GMPR: variants seen among roughly 807,000 people sequenced by gnomAD.
GMPR encodes the protein GMP reductase 1.
Under a neutral mutation model 38.4 loss-of-function variants are expected in GMPR, and 31 were observed. That is an observed-to-expected ratio of 0.81 (90% CI 0.61 to 1.09). GMPR has a LOEUF of 1.09. Among genes scored for constraint, GMPR ranks in the 50% least tolerant of loss-of-function variants. The probability of loss-of-function intolerance (pLI) is 0.00; values close to 1 mark genes in which losing one functional copy is unlikely to be tolerated. For missense variants in GMPR, 468 were observed against 453.7 expected (o/e 1.03, Z -0.29); for synonymous variants, 162 against 173.3 (o/e 0.93, Z 0.51).
intron 4 of GMPR, among the ~76,000 whole-genome samples, chr6:16,266,661 A>G (rs1013908851): frequency 6.6e-6 from 1 of 151,710 alleles, no homozygotes; most frequent in African/African-American, 2.4e-5. Context: ...AAAAGAAAAA[A>G]TTAGCCGGGC....
intron 1 of GMPR, among the ~76,000 whole-genome samples, chr6:16,244,056 C>T (rs1013947489): frequency 5.3e-5 from 8 of 150,504 alleles, no homozygotes; most frequent in East Asian, 1.9e-4. Flanking sequence ...GCCGGCTCCC[C>T]GCTACCATGT....
intron 4 of GMPR, among the ~76,000 whole-genome samples, chr6:16,266,616 C>T (rs1292543620): frequency 6.6e-6 from 1 of 151,490 alleles, no homozygotes; most frequent in Non-Finnish European, 1.5e-5. Flanking sequence ...TCCTGGCTAA[C>T]ACGGTGAAAC....
At chr6:16,253,616 T>TG (rs140790026) in intron 3 of GMPR, among the ~76,000 whole-genome samples, 5,661 of 150,498 alleles carry the variant, frequency 0.038, 278 homozygotes, top group African/African-American at 0.11. Context: ...CCACCTCCAC[T>TG]GGGGGGGGGT....
intron 4 of GMPR, among the ~76,000 whole-genome samples, chr6:16,260,838 G>C (rs1473546703): frequency 2.0e-5 from 3 of 151,972 alleles, no homozygotes; most frequent in Non-Finnish European, 4.4e-5. Context: ...CAGTCATGGG[G>C]GTCAGGTGTG....
At chr6:16,252,701 A>T (rs1758899616) in intron 3 of GMPR, among the ~76,000 whole-genome samples, 1 of 152,244 alleles carries the variant, frequency 6.6e-6, no homozygotes, top group South Asian at 2.1e-4. Flanking sequence ...GAGAGAAGGC[A>T]ACCAATCTCA....
chr6:16,247,201 A>C (rs1382800729), intron 2 of GMPR, among the ~76,000 whole-genome samples: 2 of 152,146 alleles, frequency 1.3e-5, no homozygotes, highest in Non-Finnish European at 1.5e-5. Flanking sequence ...TGGAAATTAG[A>C]GATACAAAAA....
chr6:16,248,427 C>T (rs1758802737), intron 2 of GMPR, among the ~76,000 whole-genome samples: 1 of 151,176 alleles, frequency 6.6e-6, no homozygotes, highest in East Asian at 1.9e-4. Context: ...GGAATGTCTG[C>T]TGCACTCAGG....
chr6:16,240,339 A>G (rs1758623282), intron 1 of GMPR, among the ~76,000 whole-genome samples: 1 of 152,222 alleles, frequency 6.6e-6, no homozygotes, highest in Non-Finnish European at 1.5e-5. Flanking sequence ...GTTCGAGGCC[A>G]GCCTAGGCAA....
intron 7 of GMPR, among the ~76,000 whole-genome samples, chr6:16,286,394 T>TAAAGA (rs1759679699): frequency 6.6e-6 from 1 of 151,836 alleles, no homozygotes; most frequent in East Asian, 2.0e-4. Flanking sequence ...AAAGTACGGC[T>TAAAGA]GCCGAGCCAT....
chr6:16,266,330 T>G (rs1482300675), intron 4 of GMPR, among the ~76,000 whole-genome samples: 2 of 144,334 alleles, frequency 1.4e-5, no homozygotes, highest in African/African-American at 5.4e-5. Flanking sequence ...AACGAACAAC[T>G]CTGGGTGCGC....
intron 5 of GMPR, among the ~76,000 whole-genome samples, chr6:16,278,176 C>T (rs1379657862): frequency 6.6e-6 from 1 of 152,014 alleles, no homozygotes; most frequent in African/African-American, 2.4e-5. Flanking sequence ...CCCTGTGGAG[C>T]ACAGAGCTGA....
At chr6:16,251,939 A>G (rs1267041345) in intron 3 of GMPR, among the ~76,000 whole-genome samples, 1 of 152,182 alleles carries the variant, frequency 6.6e-6, no homozygotes, top group Non-Finnish European at 1.5e-5. Context: ...CTGAAGCCAC[A>G]GACAGGTCTC....
At chr6:16,289,057 T>C (rs181893677) in intron 7 of GMPR, among the ~76,000 whole-genome samples, 17 of 152,318 alleles carry the variant, frequency 1.1e-4, no homozygotes, top group Admixed American at 8.5e-4. Flanking sequence ...CTGGCTCCTT[T>C]TCTTTGGGAG....
intron 4 of GMPR, among the ~76,000 whole-genome samples, chr6:16,270,733 T>C (rs1006777083): frequency 7.9e-5 from 12 of 152,360 alleles, no homozygotes; most frequent in African/African-American, 2.9e-4. Flanking sequence ...TCCCTCATGG[T>C]TGAGGCATTT....
chr6:16,280,914 G>C (rs1372171780), intron 6 of GMPR, among the ~76,000 whole-genome samples: 1 of 152,150 alleles, frequency 6.6e-6, no homozygotes, highest in Non-Finnish European at 1.5e-5. Flanking sequence ...GTTTTACTCT[G>C]AACATATTCT....
At chr6:16,288,450 G>T (rs527311013) in intron 7 of GMPR, among the ~76,000 whole-genome samples, 15 of 152,232 alleles carry the variant, frequency 9.9e-5, no homozygotes, top group Non-Finnish European at 1.6e-4. Context: ...CAGCCCACTG[G>T]CGCTGCGCTG....
chr6:16,248,805 C>T (rs1465967807), intron 2 of GMPR, among the ~76,000 whole-genome samples: 1 of 152,126 alleles, frequency 6.6e-6, no homozygotes, highest in Non-Finnish European at 1.5e-5. Context: ...GTGAGGGGAA[C>T]CAGGGAGCAG....
chr6:16,265,966 C>A (rs931171064), intron 4 of GMPR, among the ~76,000 whole-genome samples: 1 of 152,046 alleles, frequency 6.6e-6, no homozygotes, highest in African/African-American at 2.4e-5. Context: ...GAGAAAGGAA[C>A]AATTGTGGAT....
chr6:16,289,224 C>T (rs1172810295), intron 7 of GMPR, among the ~76,000 whole-genome samples: 1 of 152,184 alleles, frequency 6.6e-6, no homozygotes. Context: ...AAAGCCTCAG[C>T]CGCGCCACCT....
Sources: gnomAD v4.1 joint callset for allele counts (sites outside exome capture counted in the v4.1 genomes callset) on GRCh38, gnomAD v4.1.1 for gene constraint, MANE v1.5 for transcripts, NCBI Gene and HGNC (gene_info 2026-07-23, HGNC 2026-07-21) for gene names.